Variants in TBXAS1 observed in about 807,000 individuals in gnomAD.
TBXAS1 encodes thromboxane-A synthase.
Under a neutral mutation model 60.7 loss-of-function variants are expected in TBXAS1, and 48 were observed. That is an observed-to-expected ratio of 0.79 (90% CI 0.63 to 1.01). TBXAS1 has a LOEUF of 1.01. Ranked by LOEUF, TBXAS1 falls within the 50% of genes least tolerant of loss-of-function variation. TBXAS1 has a pLI of 0.00. For missense variants in TBXAS1, 685 were observed against 686.3 expected (o/e 1.00, Z 0.02); for synonymous variants, 287 against 269.7 (o/e 1.06, Z -0.63).
At chr7:139,979,973 CTATT>C (rs1055803922) in intron 9 of TBXAS1, among the ~76,000 whole-genome samples, 43 of 151,470 alleles carry the variant, frequency 2.8e-4, no homozygotes, top group African/African-American at 9.2e-4. Context: ...AGGAATTCCT[CTATT>C]TATTCCGTCG....
intron 1 of TBXAS1, among the ~76,000 whole-genome samples, chr7:139,865,084 A>C (rs1026280207): frequency 1.1e-4 from 17 of 152,204 alleles, no homozygotes; most frequent in African/African-American, 4.1e-4. Context: ...GTGAGTGTGC[A>C]TCAGATGATT....
intron 4 of TBXAS1, among the ~76,000 whole-genome samples, chr7:139,814,030 C>T (rs1798088938): frequency 6.6e-6 from 1 of 152,150 alleles, no homozygotes; most frequent in Non-Finnish European, 1.5e-5. Context: ...CTGCCTTCCC[C>T]CAGCACGGCC....
rs940820299 is a variant in TBXAS1 at position 139,916,933 on chromosome 7, C to T, written c.333+5612C>T. On this transcript the variant is annotated intron_variant, in intron 4 of 12. Coordinates refer to ENST00000448866, the MANE Select transcript of TBXAS1 (RefSeq NM_001061.7). This position sits in a 1 kb window ranked among gnomAD's most constrained non-coding sequence, Gnocchi z 4.2. ...TCATTCCTACACCTGTAACCACTGA[C>T]AGTTTTTGAAAACTGTTCACCTGGA... Among the ~76,000 whole-genome samples the T allele has an allele frequency of 1.3e-5, 2 of 152,220 alleles. No individual in the cohort carries two copies. The highest frequency in any genetic ancestry group is 4.8e-5 in the African/African-American group (2 of 41,442).
chr7:139,807,127 G>A (rs77678584), intron 4 of TBXAS1, among the ~76,000 whole-genome samples: 2,186 of 152,194 alleles, frequency 0.014, 50 homozygotes, highest in African/African-American at 0.05. Context: ...TCCCTTCCTC[G>A]AGTCCTCCAA....
intron 8 of TBXAS1, among the ~76,000 whole-genome samples, chr7:139,961,553 C>T (rs889119202): frequency 5.9e-5 from 9 of 152,194 alleles, no homozygotes; most frequent in African/African-American, 2.2e-4. Flanking sequence ...ATATTTAGTA[C>T]ATTTGCTGTT....
rs541884491 is a variant in TBXAS1 at position 139,866,879 on chromosome 7, T to C, written c.90-5356T>C. Among the ~76,000 whole-genome samples, 15 of 152,290 alleles carry C rather than the reference T, an allele frequency of 9.8e-5. No homozygotes were observed. The East Asian group carries it at 2.9e-3, about 29-fold the overall frequency. On this transcript the variant is annotated intron_variant, in intron 1 of 12. Coordinates refer to ENST00000448866, the MANE Select transcript of TBXAS1 (RefSeq NM_001061.7). ...AATGACAATATAAAGAGAGTAGGCT[T>C]TCTCCCTGATAGTTCTAGCTTTTGT...
intron 3 of TBXAS1, chr7:139,906,053 G>A: frequency 2.7e-6 from 1 of 371,902 alleles, no homozygotes; most frequent in Admixed American, 3.5e-5. Context: ...GCCTATGGAT[G>A]CCAATTACTC....
intron 9 of TBXAS1, among the ~76,000 whole-genome samples, chr7:139,984,703 A>G (rs1195028284): frequency 4.7e-5 from 7 of 147,698 alleles, no homozygotes; most frequent in Admixed American, 2.0e-4. Context: ...GAAGAAAGAA[A>G]AAGAAAGAGG....
At chr7:139,817,394 T>A (rs140884833) in intron 4 of TBXAS1, among the ~76,000 whole-genome samples, 1 of 152,248 alleles carries the variant, frequency 6.6e-6, no homozygotes, top group Non-Finnish European at 1.5e-5. Flanking sequence ...AAGTCCATGA[T>A]CCTCAGCCTG....
intron 3 of TBXAS1, among the ~76,000 whole-genome samples, chr7:139,886,386 A>ATTTTTTTTTTTTTTTTTT (rs8192818): frequency 1.0e-5 from 1 of 99,636 alleles, no homozygotes. Context: ...TTGCAGATGA[A>ATTTTTTTTTTTTTTTTTT]TTTTTTTTTT....
chr7:139,868,826 T>TA (rs1045262630), intron 1 of TBXAS1, among the ~76,000 whole-genome samples: 2 of 151,922 alleles, frequency 1.3e-5, no homozygotes, highest in African/African-American at 2.4e-5. Flanking sequence ...TTTGTATTTT[T>TA]TTTTTTAGTA....
intron 5 of TBXAS1, among the ~76,000 whole-genome samples, chr7:139,943,030 G>A (rs1169337638): frequency 6.6e-6 from 1 of 152,150 alleles, no homozygotes; most frequent in Non-Finnish European, 1.5e-5. Flanking sequence ...AGTTTAGTTT[G>A]GCCTTTAAAT....
chr7:139,947,380 T>C (rs1202204776), intron 5 of TBXAS1, among the ~76,000 whole-genome samples: 1 of 151,398 alleles, frequency 6.6e-6, no homozygotes, highest in Non-Finnish European at 1.5e-5. Flanking sequence ...CACATGCGCA[T>C]AAGGAGGAGA....
chr7:139,970,134 A>G (rs1384054608), intron 9 of TBXAS1, among the ~76,000 whole-genome samples: 1 of 152,146 alleles, frequency 6.6e-6, no homozygotes, highest in Non-Finnish European at 1.5e-5. Context: ...TATGAGACGG[A>G]GTCTCACTGT....
intron 4 of TBXAS1, among the ~76,000 whole-genome samples, chr7:139,812,382 C>A (rs1346001254): frequency 6.6e-6 from 1 of 152,106 alleles, no homozygotes; most frequent in Non-Finnish European, 1.5e-5. Context: ...GATGCTTTAC[C>A]CTGAACCAAA....
chr7:139,840,301 A>C (rs1385719557), intron 1 of TBXAS1, among the ~76,000 whole-genome samples: 1 of 152,160 alleles, frequency 6.6e-6, no homozygotes, highest in Non-Finnish European at 1.5e-5. Context: ...ATTCCCTGGC[A>C]CAATGGGAGG....
chr7:139,884,624 C>G, intron 3 of TBXAS1, among the ~76,000 whole-genome samples: 1 of 152,180 alleles, frequency 6.6e-6, no homozygotes, highest in Non-Finnish European at 1.5e-5. Context: ...AGATGGTGCT[C>G]CCCATTCCAG....
chr7:139,955,730 C>T, intron 7 of TBXAS1, 123 bp downstream of exon 7: 7 of 1,420,394 alleles, frequency 4.9e-6, no homozygotes, highest in Non-Finnish European at 6.8e-6. Context: ...GGGTTGTTCC[C>T]CTGCAGAGGC....
chr7:139,953,346 C>T (rs1264967612), intron 5 of TBXAS1, 22 bp from the exon 6 acceptor site: 3 of 1,603,360 alleles, frequency 1.9e-6, no homozygotes, highest in Non-Finnish European at 2.6e-6. Context: ...GCCCTAATTA[C>T]ACCTTTGTTA....
Sources: gnomAD v4.1 joint callset for allele counts (sites outside exome capture counted in the v4.1 genomes callset) on GRCh38, gnomAD v4.1.1 for gene constraint, Gnocchi (gnomAD v3.1) non-coding constraint, MANE v1.5 for transcripts, NCBI Gene and HGNC (gene_info 2026-07-23, HGNC 2026-07-21) for gene names.